The following MBNL1 variants were observed in gnomAD, a reference collection of about 807,000 sequenced individuals.
MBNL1 encodes muscleblind like splicing regulator 1, also known as muscleblind-like protein 1.
A neutral mutation model predicts 42.2 loss-of-function variants in MBNL1; 8 were observed. The ratio of observed to expected loss-of-function variants is 0.19; its 90% CI spans 0.11 to 0.34. MBNL1 has a LOEUF of 0.34. Ranked by LOEUF, MBNL1 falls within the 10% of genes least tolerant of loss-of-function variation. The probability of loss-of-function intolerance (pLI) is 1.00; values close to 1 mark genes in which losing one functional copy is unlikely to be tolerated. For missense variants in MBNL1, 309 were observed against 495.3 expected (o/e 0.62, Z 3.57); for synonymous variants, 169 against 173.9 (o/e 0.97, Z 0.22).
In MBNL1 at chr3:152,454,194, A is replaced by G. The variant is rs1729132189; in HGVS notation, c.962-1348A>G. Reference sequence around the variant, plus strand: ...ATATAATATTATTCCACTTGATAGGATGTGTCCCCAGATACATTACAGAGT... The same window carrying G: ...ATATAATATTATTCCACTTGATAGGGTGTGTCCCCAGATACATTACAGAGT... On this transcript the variant is annotated intron_variant, in intron 6 of 9. Coordinates refer to ENST00000324210, the MANE Select transcript of MBNL1 (RefSeq NM_021038.5). 1.3e-5 allele frequency among the ~76,000 whole-genome samples: 2 copies of G among 152,168 alleles called. 1 individual carries two copies. The highest frequency in any genetic ancestry group is 4.1e-4 in the South Asian group (2 of 4,826).
chr3:152,304,808 T>C (rs2062231623), intron 2 of MBNL1, among the ~76,000 whole-genome samples: 1 of 152,246 alleles, frequency 6.6e-6, no homozygotes, highest in South Asian at 2.1e-4. Flanking sequence ...AAATTCTCAA[T>C]AGCTGCAGTT....
rs988874640 is a variant in MBNL1, at chr3:152,464,753, G to A, written c.*2387G>A. 2.0e-5 allele frequency: 3 copies of A among 152,618 alleles called. No individual in the cohort carries two copies. Among genetic ancestry groups the A allele is most frequent in the Non-Finnish European group, 4.4e-5 (3 of 68,020 alleles). 9.5% of individuals were successfully genotyped at this position (152,618 alleles called of 1,614,324 possible). ...AATTATAGCGTGTGTGCAAACTCTT[G>A]AGGGTTGATTATGCTGCAATTTAGC... On this transcript the variant is annotated 3_prime_UTR_variant, in exon 10 of 10. Transcript: ENST00000324210.
chr3:152,391,112 G>T (rs1407214135), intron 2 of MBNL1, among the ~76,000 whole-genome samples: 1 of 152,202 alleles, frequency 6.6e-6, no homozygotes, highest in Non-Finnish European at 1.5e-5. Context: ...AGAAACAGAG[G>T]TTTAGAGGAT....
intron 2 of MBNL1, among the ~76,000 whole-genome samples, chr3:152,363,124 G>A (rs554206018): frequency 5.9e-5 from 9 of 152,120 alleles, no homozygotes; most frequent in African/African-American, 2.2e-4. Flanking sequence ...AACATCATCA[G>A]AAGATTATCT....
rs1286312717 is a variant in MBNL1, at chr3:152,369,404, G to A, written c.175-45537G>A. On this transcript the variant is annotated intron_variant, in intron 2 of 9. Coordinates refer to ENST00000324210, the MANE Select transcript of MBNL1 (RefSeq NM_021038.5). ...ATGCCTTTTGATGTGCTCTGGATTCGGTTTGCCAGTATGGTATTGAGGATA... is the reference window on the plus strand; with the variant it reads ...ATGCCTTTTGATGTGCTCTGGATTCAGTTTGCCAGTATGGTATTGAGGATA... Among the ~76,000 whole-genome samples the A allele has an allele frequency of 2.0e-5, 3 of 152,076 alleles. No homozygotes were observed. In the East Asian group the frequency reaches 5.8e-4, roughly 29 times the overall value.
chr3:152,388,599 A>G (rs2097546397), intron 2 of MBNL1, among the ~76,000 whole-genome samples: 1 of 152,218 alleles, frequency 6.6e-6, no homozygotes, highest in East Asian at 1.9e-4. Flanking sequence ...ACCTAGGTCC[A>G]ATCTAAAGTT....
intron 2 of MBNL1, among the ~76,000 whole-genome samples, chr3:152,245,362 C>T (rs1336931837): frequency 6.6e-6 from 1 of 152,052 alleles, no homozygotes; most frequent in Non-Finnish European, 1.5e-5. Flanking sequence ...TTTAATACAG[C>T]TTTGAGAAGA....
intron 2 of MBNL1, among the ~76,000 whole-genome samples, chr3:152,304,275 T>C (rs779043978): frequency 6.6e-6 from 1 of 152,128 alleles, no homozygotes; most frequent in Non-Finnish European, 1.5e-5. Context: ...AAGGTGGTTA[T>C]AGTTAAATTT....
At chr3:152,356,454 G>T (rs1011673228) in intron 2 of MBNL1, among the ~76,000 whole-genome samples, 3 of 152,146 alleles carry the variant, frequency 2.0e-5, no homozygotes, top group African/African-American at 7.2e-5. Context: ...AAGTTTGCCT[G>T]ACAAAGTCCA....
intron 2 of MBNL1, among the ~76,000 whole-genome samples, chr3:152,404,291 C>G (rs2098353904): frequency 2.0e-5 from 3 of 152,078 alleles, no homozygotes; most frequent in Admixed American, 6.5e-5. Flanking sequence ...TATTTAAGCA[C>G]TAATTATATG....
intron 1 of MBNL1, among the ~76,000 whole-genome samples, chr3:152,275,092 G>A (rs889003454): frequency 1.3e-5 from 2 of 152,128 alleles, no homozygotes; most frequent in Non-Finnish European, 2.9e-5. Flanking sequence ...TGACACATTA[G>A]CATTTTATTT....
intron 1 of MBNL1, among the ~76,000 whole-genome samples, chr3:152,286,123 A>T (rs1049778443): frequency 6.6e-6 from 1 of 151,364 alleles, no homozygotes; most frequent in Non-Finnish European, 1.5e-5. Flanking sequence ...TTTTTCCCCC[A>T]TTAACTTTAA....
intron 2 of MBNL1, among the ~76,000 whole-genome samples, chr3:152,375,355 G>T (rs998665962): frequency 1.3e-5 from 2 of 152,168 alleles, no homozygotes; most frequent in African/African-American, 2.4e-5. Context: ...TAGATTATCA[G>T]TTAGTTTAGA....
intron 1 of MBNL1, among the ~76,000 whole-genome samples, chr3:152,283,868 C>G (rs1345082955): frequency 6.6e-6 from 1 of 152,196 alleles, no homozygotes; most frequent in Non-Finnish European, 1.5e-5. Context: ...CCAAATGAAA[C>G]TTGTCCTTCC....
chr3:152,260,926 G>A (rs1303713673), intron 2 of MBNL1, among the ~76,000 whole-genome samples: 1 of 152,076 alleles, frequency 6.6e-6, no homozygotes, highest in Non-Finnish European at 1.5e-5. Context: ...GATGCATATG[G>A]GCACCAGCCT....
At chr3:152,243,721 G>A (rs983032877), upstream of MBNL1, 3 of 152,128 alleles carry the variant, frequency 2.0e-5, no homozygotes, top group African/African-American at 4.8e-5. Flanking sequence ...TCTGCATAGA[G>A]CAATGTTTTC....
intron 2 of MBNL1, among the ~76,000 whole-genome samples, chr3:152,401,054 T>G (rs1406387906): frequency 6.6e-6 from 1 of 152,116 alleles, no homozygotes; most frequent in East Asian, 1.9e-4. Context: ...GGAGGCTGGA[T>G]GTAGGAATTT....
At chr3:152,328,378 T>G (rs761625921) in intron 2 of MBNL1, among the ~76,000 whole-genome samples, 1 of 152,128 alleles carries the variant, frequency 6.6e-6, no homozygotes, top group Non-Finnish European at 1.5e-5. Flanking sequence ...TATGTGATAC[T>G]ATGGTGTGAA....
chr3:152,298,684 A>G (rs144159083), intron 1 of MBNL1, among the ~76,000 whole-genome samples: 9 of 152,322 alleles, frequency 5.9e-5, no homozygotes, highest in Admixed American at 2.6e-4. Flanking sequence ...GCTCAATGGA[A>G]TAGTTTTACA....
Sources: gnomAD v4.1 joint callset for allele counts (sites outside exome capture counted in the v4.1 genomes callset) on GRCh38, gnomAD v4.1.1 for gene constraint, MANE v1.5 for transcripts, NCBI Gene and HGNC (gene_info 2026-07-23, HGNC 2026-07-21) for gene names.